The following PDE4D variants were observed in gnomAD, a reference collection of about 807,000 sequenced individuals.
PDE4D encodes 3',5'-cyclic-AMP phosphodiesterase 4D.
In PDE4D, 24 loss-of-function variants were observed where a neutral mutation model predicts 87.4. The observed-to-expected ratio is 0.27, with a 90% CI of 0.20 to 0.39. The LOEUF (loss-of-function observed/expected upper bound fraction) is 0.39. Among genes scored for constraint, PDE4D ranks in the 10% least tolerant of loss-of-function variants. PDE4D has a pLI of 1.00. For synonymous variants in PDE4D, 384 were observed against 383.2 expected (o/e 1.00, Z -0.02); for missense variants, 714 against 1,041.0 (o/e 0.69, Z 4.32).
At chr5:59,023,952 G>A (rs1387296135) in intron 6 of PDE4D, among the ~76,000 whole-genome samples, 1 of 149,878 alleles carries the variant, frequency 6.7e-6, no homozygotes, top group Non-Finnish European at 1.5e-5. Context: ...GCCCAGACTG[G>A]AGTGCAGTGG....
At chr5:59,138,286 T>C (rs1243318077) in intron 5 of PDE4D, among the ~76,000 whole-genome samples, 1 of 152,180 alleles carries the variant, frequency 6.6e-6, no homozygotes, top group Non-Finnish European at 1.5e-5. Flanking sequence ...TTACATTTTC[T>C]TTTTTTGGTT....
In PDE4D at chr5:58,972,978, G is replaced by A. The variant is rs1043791826; in HGVS notation, c.*1686C>T. 31 of 152,232 alleles carry A rather than the reference G, an allele frequency of 2.0e-4. No homozygotes were observed. The highest frequency in any genetic ancestry group is 7.5e-4 in the African/African-American group (31 of 41,526). 9.4% of individuals were successfully genotyped at this position (152,232 alleles called of 1,614,324 possible). On this transcript the variant is annotated 3_prime_UTR_variant, in exon 15 of 15. Coordinates refer to ENST00000340635, the MANE Select transcript of PDE4D (RefSeq NM_001104631.2). ...GTGTTTAAAGAAGTAGTTCCCCTCTGCAAGATATGCTTATGGATCGAGGAT... is the reference window on the plus strand; with the variant it reads ...GTGTTTAAAGAAGTAGTTCCCCTCTACAAGATATGCTTATGGATCGAGGAT...
intron 2 of PDE4D, among the ~76,000 whole-genome samples, chr5:60,085,211 A>G (rs775779125): frequency 6.6e-6 from 1 of 152,108 alleles, no homozygotes; most frequent in Non-Finnish European, 1.5e-5. Context: ...ATGAGAGGGG[A>G]AAAGAGTTCG....
intron 2 of PDE4D, among the ~76,000 whole-genome samples, chr5:60,069,563 G>C (rs1004944411): frequency 6.6e-6 from 1 of 151,896 alleles, no homozygotes; most frequent in Non-Finnish European, 1.5e-5. Flanking sequence ...TTTAATGCCA[G>C]TATCATATTG....
intron 1 of PDE4D, among the ~76,000 whole-genome samples, chr5:59,515,711 G>A (rs145216845): frequency 1.8e-3 from 271 of 152,302 alleles, no homozygotes; most frequent in African/African-American, 6.0e-3. Flanking sequence ...GAAGTCTACA[G>A]TGGATGTGAA....
At chr5:59,431,312 C>T (rs1009858509) in intron 1 of PDE4D, among the ~76,000 whole-genome samples, 1 of 152,054 alleles carries the variant, frequency 6.6e-6, no homozygotes, top group African/African-American at 2.4e-5. Context: ...ATCTTTATCC[C>T]ACAGTTTTTC....
intron 1 of PDE4D, among the ~76,000 whole-genome samples, chr5:59,502,662 TAGTGTGTGTGTGTG>T: frequency 9.0e-6 from 1 of 111,508 alleles, no homozygotes; most frequent in African/African-American, 3.5e-5. Flanking sequence ...TTCCTTAAGG[TAGTGTGTGTGTGTG>T]TGTGTGTGTG....
intron 1 of PDE4D, among the ~76,000 whole-genome samples, chr5:59,765,687 G>A (rs2152577148): frequency 6.6e-6 from 1 of 152,270 alleles, no homozygotes; most frequent in Non-Finnish European, 1.5e-5. Flanking sequence ...TGCAAATAAT[G>A]GAACCACAGG....
chr5:60,303,021 G>T (rs1562303520), intron 1 of PDE4D, among the ~76,000 whole-genome samples: 1 of 152,078 alleles, frequency 6.6e-6, no homozygotes, highest in East Asian at 1.9e-4. Flanking sequence ...TAGAGACAGG[G>T]TTTAACCATG....
At chr5:60,309,876 T>G (rs946667902) in intron 1 of PDE4D, among the ~76,000 whole-genome samples, 1 of 152,250 alleles carries the variant, frequency 6.6e-6, no homozygotes, top group Admixed American at 6.5e-5. Flanking sequence ...AGATACTATG[T>G]AAGACATGTG....
chr5:60,120,608 G>A (rs763503325), intron 2 of PDE4D, among the ~76,000 whole-genome samples: 8 of 152,114 alleles, frequency 5.3e-5, no homozygotes, highest in Non-Finnish European at 1.0e-4. Flanking sequence ...GGGCAGCTGG[G>A]TTTTGAGGTT....
At chr5:59,807,555 A>C (rs1767877241) in intron 1 of PDE4D, among the ~76,000 whole-genome samples, 1 of 152,160 alleles carries the variant, frequency 6.6e-6, no homozygotes, top group Non-Finnish European at 1.5e-5. Context: ...ATGGGAAGAG[A>C]AGAGCAGAGC....
intron 1 of PDE4D, among the ~76,000 whole-genome samples, chr5:59,801,760 A>T (rs1302000391): frequency 6.6e-6 from 1 of 152,350 alleles, no homozygotes; most frequent in East Asian, 1.9e-4. Flanking sequence ...CATCTACTCC[A>T]AACAACTCTG....
intron 2 of PDE4D, among the ~76,000 whole-genome samples, chr5:60,072,680 T>A (rs1165489888): frequency 6.6e-6 from 1 of 152,164 alleles, no homozygotes; most frequent in Non-Finnish European, 1.5e-5. Flanking sequence ...AGTTAATTTT[T>A]ATGTATAGTG....
intron 2 of PDE4D, among the ~76,000 whole-genome samples, chr5:60,127,263 C>T (rs1432722533): frequency 2.6e-5 from 4 of 152,060 alleles, no homozygotes; most frequent in African/African-American, 9.7e-5. Flanking sequence ...ATTATTGAGC[C>T]CCTGGACAAT....
intron 1 of PDE4D, among the ~76,000 whole-genome samples, chr5:59,624,215 C>T (rs1360104038): frequency 6.6e-6 from 1 of 152,184 alleles, no homozygotes; most frequent in African/African-American, 2.4e-5. Flanking sequence ...CCCATTCTAT[C>T]CTTCAGGACG....
At chr5:59,436,771 C>T (rs545419799) in intron 1 of PDE4D, among the ~76,000 whole-genome samples, 3 of 152,248 alleles carry the variant, frequency 2.0e-5, no homozygotes, top group South Asian at 2.1e-4. Context: ...TCTTTGAGAG[C>T]GGTTTCTCTC....
chr5:60,036,842 C>T (rs781720681), intron 2 of PDE4D, among the ~76,000 whole-genome samples: 2 of 152,146 alleles, frequency 1.3e-5, no homozygotes, highest in South Asian at 2.1e-4. Flanking sequence ...TTGGTTTACT[C>T]GGACTAAACT....
At chr5:60,051,176 C>G (rs547450262) in intron 2 of PDE4D, among the ~76,000 whole-genome samples, 1 of 152,142 alleles carries the variant, frequency 6.6e-6, no homozygotes, top group East Asian at 1.9e-4. Flanking sequence ...GATCTCAGCT[C>G]TGGACCAAGC....
Sources: allele counts gnomAD v4.1 joint callset (sites outside exome capture counted in the v4.1 genomes callset), GRCh38; gene constraint gnomAD v4.1.1; transcripts MANE v1.5; gene names NCBI Gene and HGNC (gene_info 2026-07-23, HGNC 2026-07-21).